Variants in ANO1 observed in about 807,000 individuals in gnomAD.
ANO1 encodes the protein anoctamin-1.
ANO1 carries 59 observed loss-of-function variants against 124.0 expected under a neutral mutation model. That is an observed-to-expected ratio of 0.48 (90% CI 0.39 to 0.59). The LOEUF is 0.59. Among genes scored for constraint, ANO1 ranks in the 20% least tolerant of loss-of-function variants. The pLI is 0.00. For missense variants in ANO1, 1,059 were observed against 1,328.0 expected, an observed-to-expected ratio of 0.80 and a Z score of 3.15; for synonymous variants, 529 against 532.0, an observed-to-expected ratio of 0.99 and a Z score of 0.08.
chr11:70,100,966 G>A (rs755400281), intron 2 of ANO1, among the ~76,000 whole-genome samples: 7 of 152,182 alleles, frequency 4.6e-5, no homozygotes, highest in South Asian at 2.1e-4. Context: ...AGAGGATGGC[G>A]TAGGGCAGGC....
chr11:70,030,231 A>G (rs1231161509), intron 1 of ANO1, among the ~76,000 whole-genome samples: 1 of 152,154 alleles, frequency 6.6e-6, no homozygotes, highest in Non-Finnish European at 1.5e-5. Context: ...TTTGGAAGTC[A>G]CCGGCTGTGG....
chr11:70,154,219 C>T (rs116524252), intron 14 of ANO1, among the ~76,000 whole-genome samples: 1,789 of 152,222 alleles, frequency 0.012, 42 homozygotes, highest in African/African-American at 0.041. Context: ...GACCTTGTGT[C>T]ATATCTGCAC....
the ANO1 span, among the ~76,000 whole-genome samples, chr11:69,970,300 C>T: frequency 6.6e-6 from 1 of 152,188 alleles, no homozygotes; most frequent in African/African-American, 2.4e-5. Flanking sequence ...GTGCTTCGGT[C>T]CCAGCCCCAG....
chr11:70,085,278 G>A (rs2044327740), intron 1 of ANO1: 1 of 1,072,902 alleles, frequency 9.3e-7, no homozygotes, highest in Non-Finnish European at 1.3e-6. Flanking sequence ...GGCTGGGCAT[G>A]GGAACCCACT....
At chr11:70,129,719 G>A (rs1027300575) in intron 10 of ANO1, 1 of 151,754 alleles carries the variant, frequency 6.6e-6, no homozygotes, top group Non-Finnish European at 1.5e-5. Flanking sequence ...CACCTCCCAG[G>A]TTCAAGCAAT....
chr11:69,979,715 C>T, the ANO1 span, among the ~76,000 whole-genome samples: 4 of 152,168 alleles, frequency 2.6e-5, no homozygotes, highest in Non-Finnish European at 4.4e-5. Context: ...GCAGCCCAGC[C>T]ATGAGTGTCC....
intron 5 of ANO1, among the ~76,000 whole-genome samples, chr11:70,107,494 G>GGGGGGGGT (rs2045598931): frequency 8.3e-6 from 1 of 120,938 alleles, no homozygotes; most frequent in Admixed American, 7.8e-5. Context: ...TGGAGGCGGC[G>GGGGGGGGT]GGGCGGGGAA....
At chr11:70,059,785 A>C (rs1555007469) in intron 1 of ANO1, among the ~76,000 whole-genome samples, 1 of 152,150 alleles carries the variant, frequency 6.6e-6, no homozygotes, top group East Asian at 1.9e-4. Context: ...CTTGTGAGGC[A>C]AGAAGAATGA....
At chr11:70,113,371 G>A (rs576791177) in intron 7 of ANO1, among the ~76,000 whole-genome samples, 28 of 152,300 alleles carry the variant, frequency 1.8e-4, no homozygotes, top group Non-Finnish European at 3.4e-4. Flanking sequence ...CTCGGCCAGC[G>A]ACCTGCTGTA....
chr11:70,016,616 C>T (rs1450364935), intron 1 of ANO1, among the ~76,000 whole-genome samples: 1 of 152,218 alleles, frequency 6.6e-6, no homozygotes, highest in Non-Finnish European at 1.5e-5. Context: ...CACCGTCAGG[C>T]TTGGGAGCTC....
At chr11:70,120,638 T>A (rs2046222817) in intron 8 of ANO1, among the ~76,000 whole-genome samples, 1 of 152,012 alleles carries the variant, frequency 6.6e-6, no homozygotes, top group African/African-American at 2.4e-5. Flanking sequence ...GCATGGAGGG[T>A]GAGAAGGACC....
intron 19 of ANO1, 188 bp from the exon 20 acceptor site, chr11:70,165,282 C>T (rs1160369449): frequency 3.3e-6 from 2 of 604,636 alleles, no homozygotes; most frequent in Admixed American, 2.9e-5. Context: ...AACACCCTGA[C>T]TTGACTACAT....
At chr11:70,086,536 G>C (rs2044392185) in intron 1 of ANO1, among the ~76,000 whole-genome samples, 2 of 152,210 alleles carry the variant, frequency 1.3e-5, no homozygotes, top group South Asian at 4.1e-4. Context: ...CATACCAGTG[G>C]CTCACTGTCC....
Position 70,064,287 on chromosome 11 carries a change from C to T in ANO1, c.59-14255C>T, listed in dbSNP as rs114731890. 958 of 152,394 alleles carry T rather than the reference C, an allele frequency of 6.3e-3. 8 individuals are homozygous for T. Among genetic ancestry groups the T allele is most frequent in the African/African-American group, 0.022 (901 of 41,568 alleles). 9.4% of individuals were successfully genotyped at this position (152,394 alleles called of 1,614,324 possible). A position where few individuals can be genotyped will look rare whatever the true frequency, so the allele number is the denominator to read the frequency against. ...TCTCTTCTTCACCCTTCTTCACTCC[C>T]CCTCACCCTCCTGGTGGGGGTTCTC... On this transcript the variant is annotated intron_variant, in intron 1 of 27. Transcript: ENST00000531349.
At chr11:70,117,096 C>CTTTTTTT (rs1479602475) in intron 8 of ANO1, among the ~76,000 whole-genome samples, 5 of 75,956 alleles carry the variant, frequency 6.6e-5, no homozygotes, top group Non-Finnish European at 1.1e-4. Flanking sequence ...TTCTTTGTTT[C>CTTTTTTT]TTTCTTTTTT....
intron 1 of ANO1, among the ~76,000 whole-genome samples, chr11:70,047,812 G>A (rs1220145202): frequency 6.6e-6 from 1 of 152,178 alleles, no homozygotes; most frequent in East Asian, 1.9e-4. Context: ...CTGAGACAGG[G>A]CAAATGACAA....
At chr11:70,008,618 A>C (rs1856537047) in intron 1 of ANO1, among the ~76,000 whole-genome samples, 1 of 148,052 alleles carries the variant, frequency 6.8e-6, no homozygotes, top group African/African-American at 2.5e-5. Context: ...TCTTTCTGCC[A>C]GTGCCAACTG....
chr11:70,127,416 A>C (rs1367214692), intron 10 of ANO1, among the ~76,000 whole-genome samples: 1 of 152,164 alleles, frequency 6.6e-6, no homozygotes, highest in Admixed American at 6.5e-5. Context: ...TGTAGATCCG[A>C]TGTGCCTTCT....
At chr11:69,972,713 C>T in the ANO1 span, among the ~76,000 whole-genome samples, 2 of 152,046 alleles carry the variant, frequency 1.3e-5, no homozygotes, top group African/African-American at 2.4e-5. Context: ...CCTGACAGCA[C>T]GCCTCAGAGA....
Sources: allele counts gnomAD v4.1 joint callset (sites outside exome capture counted in the v4.1 genomes callset), GRCh38; gene constraint gnomAD v4.1.1; transcripts MANE v1.5; gene names NCBI Gene and HGNC (gene_info 2026-07-23, HGNC 2026-07-21).